The following PPM1H variants were observed in gnomAD, a reference collection of about 807,000 sequenced individuals.
The protein encoded by PPM1H is protein phosphatase, Mg2+/Mn2+ dependent 1H.
Under a neutral mutation model 54.9 loss-of-function variants are expected in PPM1H, and 27 were observed. The observed-to-expected ratio is 0.49, with a 90% CI of 0.36 to 0.68. The LOEUF is 0.68. Ranked by LOEUF, PPM1H falls within the 30% of genes least tolerant of loss-of-function variation. The pLI, the probability that PPM1H is intolerant of heterozygous loss-of-function variation, is 0.00. For synonymous variants in PPM1H, 305 were observed against 270.8 expected (o/e 1.13, Z -1.24); for missense variants, 596 against 667.8 (o/e 0.89, Z 1.19).
intron 1 of PPM1H, among the ~76,000 whole-genome samples, chr12:62,870,551 G>T (rs1378117260): frequency 6.6e-6 from 1 of 152,146 alleles, no homozygotes; most frequent in East Asian, 1.9e-4. Context: ...TAAAGAGAAA[G>T]AATTTAGGGG....
At chr12:62,818,456 G>A (rs1022818398) in intron 2 of PPM1H, among the ~76,000 whole-genome samples, 7 of 152,174 alleles carry the variant, frequency 4.6e-5, no homozygotes, top group African/African-American at 1.7e-4. Flanking sequence ...AGCCTTCTGT[G>A]GGAATCAGGA....
At chr12:62,720,100 G>A (rs779801443) in intron 6 of PPM1H, 71 bp downstream of exon 6, 144 of 1,304,068 alleles carry the variant, frequency 1.1e-4, no homozygotes, top group Non-Finnish European at 1.2e-4. Flanking sequence ...TGTGTAACTG[G>A]CTGTTTATGG....
intron 1 of PPM1H, among the ~76,000 whole-genome samples, chr12:62,852,349 T>C (rs924715854): frequency 1.3e-5 from 2 of 152,000 alleles, no homozygotes; most frequent in African/African-American, 2.4e-5. Flanking sequence ...GCTCTCTGGC[T>C]TTCTTTCCTA....
At chr12:62,887,664 G>A (rs1411682907) in intron 1 of PPM1H, among the ~76,000 whole-genome samples, 1 of 152,164 alleles carries the variant, frequency 6.6e-6, no homozygotes, top group Non-Finnish European at 1.5e-5. Flanking sequence ...AATAATGAGC[G>A]AGGTGATTTC....
Position 62,647,533 on chromosome 12 carries a change from T to G in PPM1H, c.*956A>C, listed in dbSNP as rs2075792827. The G allele has an allele frequency of 6.6e-6, 1 of 152,150 alleles. No individual in the cohort carries two copies. Among genetic ancestry groups the G allele is most frequent in the African/African-American group, 2.4e-5 (1 of 41,428 alleles). 9.4% of individuals were successfully genotyped at this position (152,150 alleles called of 1,614,324 possible). On this transcript the variant is annotated 3_prime_UTR_variant, in exon 10 of 10. Coordinates refer to ENST00000228705, the MANE Select transcript of PPM1H (RefSeq NM_020700.2). ...AAACACTGCTTTATATGTGTCCCCA[T>G]GATACAGAAAAGTGGGATGGGGCCA... is the stretch of plus-strand genomic sequence containing the variant.
chr12:62,715,868 C>T (rs140748590), intron 6 of PPM1H, among the ~76,000 whole-genome samples: 43 of 152,240 alleles, frequency 2.8e-4, no homozygotes, highest in Admixed American at 9.2e-4. Flanking sequence ...AGAAAAGGGA[C>T]GGCCTCAGCA....
chr12:62,806,023 A>G (rs903244543), intron 2 of PPM1H, among the ~76,000 whole-genome samples: 16 of 152,242 alleles, frequency 1.1e-4, no homozygotes, highest in Non-Finnish European at 1.9e-4. Context: ...ATTTGAAAAA[A>G]TGTAACTAGA....
chr12:62,717,656 TAAAAACAAAAACA>T (rs1003136667), intron 6 of PPM1H, among the ~76,000 whole-genome samples: 3 of 151,294 alleles, frequency 2.0e-5, no homozygotes, highest in African/African-American at 7.3e-5. Context: ...TACAAGCCAC[TAAAAACAAAAACA>T]AAAAACAAAA....
chr12:62,806,656 C>A (rs1417222708), intron 2 of PPM1H, among the ~76,000 whole-genome samples: 2 of 152,160 alleles, frequency 1.3e-5, no homozygotes, highest in Admixed American at 6.5e-5. Context: ...CCTTCACTCT[C>A]TTCCTTCTCT....
At chr12:62,749,002 T>C (rs889716411) in intron 4 of PPM1H, among the ~76,000 whole-genome samples, 2 of 152,222 alleles carry the variant, frequency 1.3e-5, no homozygotes, top group African/African-American at 4.8e-5. Context: ...AGGACTCCAG[T>C]TACTACTTTT....
intron 6 of PPM1H, among the ~76,000 whole-genome samples, chr12:62,709,786 A>G (rs2076196272): frequency 6.6e-6 from 1 of 152,234 alleles, no homozygotes. Flanking sequence ...AAATTTCCAG[A>G]AAGGCCGGGC....
At position 62,644,011 on chromosome 12, in the gene PPM1H, TATA is replaced by T. The variant is rs2075772453; in HGVS notation, c.*4475_*4477del. On this transcript the variant is annotated 3_prime_UTR_variant, in exon 10 of 10. Transcript: ENST00000228705. Reference sequence around the variant, plus strand: ...GCTGAATATGTCGTATATACATATATATAATATTTTATTTTAAAATGTCATTGA... The same window carrying T: ...GCTGAATATGTCGTATATACATATATATATTTTATTTTAAAATGTCATTGA... The T allele has an allele frequency of 1.3e-5, 2 of 152,152 alleles. No homozygotes were observed. The highest frequency in any genetic ancestry group is 1.3e-4 in the Admixed American group (2 of 15,276). 9.4% of individuals were successfully genotyped at this position (152,152 alleles called of 1,614,324 possible). A position where few individuals can be genotyped will look rare whatever the true frequency, so the allele number is the denominator to read the frequency against.
At chr12:62,756,859 T>C (rs997521887) in intron 4 of PPM1H, among the ~76,000 whole-genome samples, 3 of 151,966 alleles carry the variant, frequency 2.0e-5, no homozygotes, top group African/African-American at 2.4e-5. Context: ...CAGGAACCAG[T>C]TGGACCTAGG....
At chr12:62,905,857 G>A (rs1209484059) in intron 1 of PPM1H, among the ~76,000 whole-genome samples, 8 of 152,064 alleles carry the variant, frequency 5.3e-5, no homozygotes, top group Non-Finnish European at 1.2e-4. Context: ...AGATCATATG[G>A]TAGCTTCCAT....
At chr12:62,777,819 C>T (rs2076620160) in intron 4 of PPM1H, among the ~76,000 whole-genome samples, 1 of 152,336 alleles carries the variant, frequency 6.6e-6, no homozygotes, top group East Asian at 1.9e-4. Context: ...TCACACCCTG[C>T]CTGATTAATG....
In PPM1H at chr12:62,730,599, A is replaced by G. The variant is rs368613778; in HGVS notation, c.954+6903T>C. Among the ~76,000 whole-genome samples, 10 of 152,308 alleles carry G rather than the reference A, an allele frequency of 6.6e-5. No homozygotes were observed. In the East Asian group the frequency reaches 1.3e-3, roughly 21 times the overall value. ...TTAATTTTTTAAATGTTCAGACCTC[A>G]CAGCATTTGAGAGAAAGTAATCAAA... On this transcript the variant is annotated intron_variant, in intron 5 of 9. Transcript: ENST00000228705.
chr12:62,655,749 C>A (rs1195783495), intron 9 of PPM1H, among the ~76,000 whole-genome samples: 1 of 152,114 alleles, frequency 6.6e-6, no homozygotes, highest in African/African-American at 2.4e-5. Flanking sequence ...TGTGGAGCAG[C>A]CCTAGTGCCG....
chr12:62,794,795 A>C (rs1592602630), intron 3 of PPM1H, among the ~76,000 whole-genome samples: 1 of 152,298 alleles, frequency 6.6e-6, no homozygotes, highest in Admixed American at 6.5e-5. Context: ...CTTAGAAGAC[A>C]CTTGTCTTAT....
intron 2 of PPM1H, among the ~76,000 whole-genome samples, chr12:62,826,938 C>T (rs1264914979): frequency 4.6e-5 from 7 of 152,160 alleles, no homozygotes; most frequent in African/African-American, 1.7e-4. Context: ...TGGCCCATGC[C>T]ATAGATACCT....
Sources: gnomAD v4.1 joint callset for allele counts (sites outside exome capture counted in the v4.1 genomes callset) on GRCh38, gnomAD v4.1.1 for gene constraint, MANE v1.5 for transcripts, NCBI Gene and HGNC (gene_info 2026-07-23, HGNC 2026-07-21) for gene names.